The following NPIPB6 variants were observed in gnomAD, a reference collection of about 807,000 sequenced individuals.
NPIPB6 encodes the protein nuclear pore complex interacting protein family member B6.
Under a neutral mutation model 20.0 loss-of-function variants are expected in NPIPB6, and 2 were observed. That is an observed-to-expected ratio of 0.10 (90% CI 0.04 to 0.31). The LOEUF (loss-of-function observed/expected upper bound fraction) is 0.31. NPIPB6 is among the 10% of genes least tolerant of loss of function. NPIPB6 has a pLI of 1.00. For synonymous variants in NPIPB6, 35 were observed against 116.3 expected (o/e 0.30, Z 4.50); for missense variants, 96 against 293.7 (o/e 0.33, Z 4.92).
In NPIPB6 at chr16:28,348,385, G is replaced by A. The variant is rs2045139465; in HGVS notation, c.599+449C>T. Among the ~76,000 whole-genome samples, 4 of 103,248 alleles carry A rather than the reference G, an allele frequency of 3.9e-5. No homozygotes were observed. In the Admixed American group the frequency reaches 4.6e-4, roughly 12 times the overall value. The allele number at this position is 103,248 out of a possible 152,430, so 67.7% of individuals were successfully genotyped here. A position where few individuals can be genotyped will look rare whatever the true frequency, so the allele number is the denominator to read the frequency against. On this transcript the variant is annotated intron_variant, in intron 4 of 6. Transcript: ENST00000532254. Reference sequence around the variant, plus strand: ...ACCTGAGGTCAGAAGTTCGAGACCAGCCTGGACAACATGGTGAAACCCCAT... The same window carrying A: ...ACCTGAGGTCAGAAGTTCGAGACCAACCTGGACAACATGGTGAAACCCCAT...
At chr16:28,355,074 T>C in intron 1 of NPIPB6, among the ~76,000 whole-genome samples, 1 of 127,764 alleles carries the variant, frequency 7.8e-6, no homozygotes, top group African/African-American at 3.2e-5. Flanking sequence ...TAGACTCTTA[T>C]GTGAGTGAAG....
rs1298334741 is a variant in NPIPB6, at chr16:28,350,108, A to T, written c.304-867T>A. On this transcript the variant is annotated intron_variant, in intron 2 of 6. Coordinates refer to ENST00000532254, the Ensembl canonical transcript of NPIPB6. The stretch of plus-strand genomic sequence containing the variant: ...GCTACTCGGGAGGCTGAGGCAGGAG[A>T]ACTGCTTGAACCCAGAAGGCAGAGG... 3.0e-5 allele frequency among the ~76,000 whole-genome samples: 3 copies of T among 100,566 alleles called. 1 individual carries two copies. In the Admixed American group the frequency reaches 3.6e-4, roughly 12 times the overall value. The allele number at this position is 100,566 out of a possible 152,430, so 66.0% of individuals were successfully genotyped here.
At chr16:28,342,546 G>GT (rs2044995175), downstream of NPIPB6, 2 of 1,014,908 alleles carry the variant, frequency 2.0e-6, no homozygotes, top group African/African-American at 3.3e-5. Context: ...TTTATTCTTC[G>GT]TTAGTTTGTT....
intron 2 of NPIPB6, among the ~76,000 whole-genome samples, chr16:28,349,621 G>A (rs1343058124): frequency 6.1e-4 from 55 of 90,238 alleles, no homozygotes; most frequent in Middle Eastern, 5.7e-3. Context: ...TGGCACGGTG[G>A]CTCACTCCTG....
chr16:28,354,234 A>T lies in NPIPB6; in HGVS notation c.121-1173T>A, dbSNP rs1596576036. Among the ~76,000 whole-genome samples the T allele has an allele frequency of 2.2e-5, 2 of 89,568 alleles. 1 individual carries two copies. Among genetic ancestry groups the T allele is most frequent in the Non-Finnish European group, 4.8e-5 (2 of 41,736 alleles). 58.8% of individuals were successfully genotyped at this position (89,568 alleles called of 152,430 possible). A position where few individuals can be genotyped will look rare whatever the true frequency, so the allele number is the denominator to read the frequency against. ...AGTGGCATGATCTCAGCTCACTGCA[A>T]CCTCCGCCTCCCGGGTTCAAGCGAT... On this transcript the variant is annotated intron_variant, in intron 1 of 6. Transcript: ENST00000532254.
rs1187513121 is a variant in NPIPB6, at chr16:28,350,575, G to C, written c.304-1334C>G. Among the ~76,000 whole-genome samples the C allele has an allele frequency of 3.6e-5, 4 of 111,204 alleles. 1 individual carries two copies. In the East Asian group the frequency reaches 8.2e-4, roughly 23 times the overall value. 73.0% of individuals were successfully genotyped at this position (111,204 alleles called of 152,430 possible). ...TAATCTTCTAAGATATTAAATATTT[G>C]TTCTCATCATAGGGAAAATGCAATG... On this transcript the variant is annotated intron_variant, in intron 2 of 6. Transcript: ENST00000532254.
chr16:28,358,866 G>A (rs1388310904), intron 1 of NPIPB6, among the ~76,000 whole-genome samples: 2 of 151,006 alleles, frequency 1.3e-5, no homozygotes, highest in Non-Finnish European at 2.9e-5. Context: ...GGCGGATCAC[G>A]AGGTTAGGAG....
intron 4 of NPIPB6, chr16:28,346,313 G>C: frequency 1.2e-6 from 1 of 810,576 alleles, no homozygotes; most frequent in Non-Finnish European, 1.5e-6. Context: ...GACTCTTCCT[G>C]TGTGAGACCT....
intron 2 of NPIPB6, among the ~76,000 whole-genome samples, chr16:28,350,157 A>G (rs1484723211): frequency 3.8e-5 from 4 of 104,008 alleles, no homozygotes; most frequent in Non-Finnish European, 6.5e-5. Context: ...AGATCCCACC[A>G]CTGCACTCCA....
chr16:28,361,938 A>T (rs982300342), intron 1 of NPIPB6, among the ~76,000 whole-genome samples: 2 of 150,840 alleles, frequency 1.3e-5, no homozygotes, highest in Non-Finnish European at 3.0e-5. Flanking sequence ...GAGAATAAAA[A>T]ATATGTATTA....
exon 7 of NPIPB6, chr16:28,343,133 T>A: frequency 6.9e-7 from 1 of 1,448,102 alleles, no homozygotes; most frequent in South Asian, 1.1e-5. Flanking sequence ...AGCTGTGAGG[T>A]AGGGCCAGTA....
intron 2 of NPIPB6, among the ~76,000 whole-genome samples, chr16:28,351,767 TTC>T (rs2045235611): frequency 1.2e-5 from 1 of 84,336 alleles, no homozygotes; most frequent in Non-Finnish European, 2.7e-5. Context: ...CTCATATATT[TTC>T]TGTTTTCTAC....
intron 1 of NPIPB6, among the ~76,000 whole-genome samples, chr16:28,359,959 C>T (rs1197444971): frequency 2.7e-5 from 4 of 149,168 alleles, no homozygotes; most frequent in Non-Finnish European, 6.0e-5. Flanking sequence ...CCTCATGCTC[C>T]GGCAGGGTAC....
intron 2 of NPIPB6, among the ~76,000 whole-genome samples, chr16:28,351,024 A>G: frequency 1.7e-5 from 2 of 118,892 alleles, no homozygotes; most frequent in Admixed American, 2.1e-4. Flanking sequence ...TAAAAAAAAA[A>G]ATCATGTACT....
chr16:28,360,693 G>T (rs574515040), intron 1 of NPIPB6, among the ~76,000 whole-genome samples: 1 of 137,690 alleles, frequency 7.3e-6, no homozygotes, highest in Non-Finnish European at 1.7e-5. Flanking sequence ...CATGGGATTT[G>T]CTTTGACCCA....
rs1190810730 is a variant in NPIPB6, at chr16:28,349,559, A to G, written c.304-318T>C. On this transcript the variant is annotated intron_variant, in intron 2 of 6. Transcript: ENST00000532254. The stretch of plus-strand genomic sequence containing the variant: ...GAATGAGACTCTGTCACACACACAC[A>G]CACACACACACACACACACACACAC... Among the ~76,000 whole-genome samples the G allele has an allele frequency of 5.3e-5, 5 of 95,018 alleles. 1 individual carries two copies. Among genetic ancestry groups the G allele is most frequent in the Non-Finnish European group, 8.7e-5 (4 of 46,008 alleles). The allele number at this position is 95,018 out of a possible 152,430, so 62.3% of individuals were successfully genotyped here. A position where few individuals can be genotyped will look rare whatever the true frequency, so the allele number is the denominator to read the frequency against.
intron 1 of NPIPB6, among the ~76,000 whole-genome samples, chr16:28,361,764 G>GTA (rs2045442609): frequency 1.6e-5 from 1 of 60,972 alleles, no homozygotes; most frequent in African/African-American, 6.1e-5. Flanking sequence ...GTGTGTGTGT[G>GTA]TGTGTATGTG....
intron 1 of NPIPB6, among the ~76,000 whole-genome samples, chr16:28,360,241 GAC>G (rs1321132517): frequency 2.4e-5 from 3 of 125,952 alleles, no homozygotes; most frequent in Non-Finnish European, 5.4e-5. Flanking sequence ...TTGCAGGAAA[GAC>G]AGTGCCTGGA....
At position 28,355,837 on chromosome 16, in the gene NPIPB6, A is replaced by C. The variant is rs2045307099; in HGVS notation, c.121-2776T>G. On this transcript the variant is annotated intron_variant, in intron 1 of 6. Coordinates refer to ENST00000532254, the Ensembl canonical transcript of NPIPB6. ...GCTGGTGTAAGTACTTTCCAAAGTT[A>C]GTAAACTTACACTTAAGGGTATATA... Among the ~76,000 whole-genome samples the C allele has an allele frequency of 1.6e-5, 2 of 122,662 alleles. 1 individual carries two copies. The allele number at this position is 122,662 out of a possible 152,430, so 80.5% of individuals were successfully genotyped here. A position where few individuals can be genotyped will look rare whatever the true frequency, so the allele number is the denominator to read the frequency against.
Sources: gnomAD v4.1 joint callset for allele counts (sites outside exome capture counted in the v4.1 genomes callset) on GRCh38, gnomAD v4.1.1 for gene constraint, MANE v1.5 for transcripts, NCBI Gene and HGNC (gene_info 2026-07-23, HGNC 2026-07-21) for gene names.